Variants in PCCA observed in about 807,000 individuals in gnomAD.
PCCA encodes the protein propionyl-CoA carboxylase alpha chain, mitochondrial.
A neutral mutation model predicts 101.3 loss-of-function variants in PCCA; 74 were observed. That is an observed-to-expected ratio of 0.73 (90% confidence interval 0.61 to 0.89). PCCA has a LOEUF of 0.89. Ranked by LOEUF, PCCA falls within the 40% of genes least tolerant of loss-of-function variation. PCCA has a pLI of 0.00. For synonymous variants in PCCA, 294 were observed against 313.6 expected, an observed-to-expected ratio of 0.94 and a Z score of 0.66; for missense variants, 891 against 907.0, an observed-to-expected ratio of 0.98 and a Z score of 0.23.
At chr13:100,182,738 A>G (rs542915233) in intron 6 of PCCA, among the ~76,000 whole-genome samples, 8 of 152,128 alleles carry the variant, frequency 5.3e-5, no homozygotes, top group African/African-American at 1.9e-4. Flanking sequence ...CTAAGCCTAC[A>G]TGATATAGAC....
At chr13:100,337,780 T>C (rs1412059467) in intron 17 of PCCA, among the ~76,000 whole-genome samples, 1 of 152,182 alleles carries the variant, frequency 6.6e-6, no homozygotes, top group African/African-American at 2.4e-5. Flanking sequence ...CATTGCCTCC[T>C]CCCTTGCTGA....
chr13:100,440,151 TTAAATTATATATATATATATA>T (rs2080235314), intron 20 of PCCA, among the ~76,000 whole-genome samples: 2 of 124,642 alleles, frequency 1.6e-5, no homozygotes, highest in South Asian at 2.7e-4. Context: ...GACTAGAGTA[TTAAATTATATATATATATATA>T]TATATATATA....
chr13:100,403,350 C>A (rs986328555), intron 19 of PCCA, among the ~76,000 whole-genome samples: 2 of 152,150 alleles, frequency 1.3e-5, no homozygotes, highest in South Asian at 4.1e-4. Context: ...TAAAGACATA[C>A]CTGAGACTGA....
chr13:100,242,423 G>A lies in PCCA; in HGVS notation c.637+6545G>A, dbSNP rs570924747. Among the ~76,000 whole-genome samples the A allele has an allele frequency of 6.6e-4, 101 of 152,286 alleles. 1 individual carries two copies. In the Middle Eastern group the frequency reaches 0.01, roughly 15 times the overall value. On this transcript the variant is annotated intron_variant, in intron 8 of 23. Transcript: ENST00000376285. ...ATTGACGGAATTGAAGGGAGAAACAGACTAATTCTACAATAGTAGTTGGAG... is the reference window on the plus strand; with the variant it reads ...ATTGACGGAATTGAAGGGAGAAACAAACTAATTCTACAATAGTAGTTGGAG...
At chr13:100,183,739 C>T (rs2057004058) in intron 6 of PCCA, among the ~76,000 whole-genome samples, 1 of 152,070 alleles carries the variant, frequency 6.6e-6, no homozygotes, top group Admixed American at 6.6e-5. Flanking sequence ...TGTGACAGAC[C>T]TTTGAGTGTA....
intron 15 of PCCA, among the ~76,000 whole-genome samples, chr13:100,308,353 C>G (rs780247000): frequency 2.0e-5 from 3 of 151,992 alleles, no homozygotes; most frequent in Non-Finnish European, 4.4e-5. Flanking sequence ...GGGATAGGGT[C>G]TCCCTTTTTC....
chr13:100,247,578 A>G (rs1375473820), intron 8 of PCCA, among the ~76,000 whole-genome samples: 1 of 146,494 alleles, frequency 6.8e-6, no homozygotes, highest in African/African-American at 2.6e-5. Flanking sequence ...CATTGGCACA[A>G]TCTGGGCTCA....
At chr13:100,308,821 A>G (rs2066674055) in intron 15 of PCCA, among the ~76,000 whole-genome samples, 1 of 152,214 alleles carries the variant, frequency 6.6e-6, no homozygotes, top group Non-Finnish European at 1.5e-5. Context: ...AGAGCTAGTA[A>G]AACCTACTAA....
At chr13:100,181,279 G>C (rs2056759966) in intron 6 of PCCA, among the ~76,000 whole-genome samples, 1 of 152,148 alleles carries the variant, frequency 6.6e-6, no homozygotes, top group Non-Finnish European at 1.5e-5. Flanking sequence ...ACAGCATTTT[G>C]TTCTTTATCA....
chr13:100,387,909 A>G (rs2076601457), intron 19 of PCCA, among the ~76,000 whole-genome samples: 1 of 152,166 alleles, frequency 6.6e-6, no homozygotes, highest in African/African-American at 2.4e-5. Flanking sequence ...AAAATATATA[A>G]AATTCAGTTA....
chr13:100,417,859 G>A (rs1249688654), intron 19 of PCCA, among the ~76,000 whole-genome samples: 1 of 152,080 alleles, frequency 6.6e-6, no homozygotes, highest in Non-Finnish European at 1.5e-5. Context: ...AAGACAGGAG[G>A]TGGGATTACT....
chr13:100,502,681 AT>A (rs1473549918), intron 21 of PCCA, among the ~76,000 whole-genome samples: 2 of 152,210 alleles, frequency 1.3e-5, no homozygotes, highest in African/African-American at 2.4e-5. Flanking sequence ...AGTGGTTACA[AT>A]TTACAAAGTT....
chr13:100,169,702 ATTT>A (rs10659778), intron 6 of PCCA, among the ~76,000 whole-genome samples: 1 of 135,334 alleles, frequency 7.4e-6, no homozygotes, highest in Non-Finnish European at 1.6e-5. Context: ...TAATTTCTGT[ATTT>A]TTTTTTTTTT....
chr13:100,287,521 A>AT (rs1449453612), intron 12 of PCCA, among the ~76,000 whole-genome samples: 1 of 151,998 alleles, frequency 6.6e-6, no homozygotes, highest in Non-Finnish European at 1.5e-5. Flanking sequence ...TTTTGTCATC[A>AT]TTTTCCTTCA....
intron 21 of PCCA, among the ~76,000 whole-genome samples, chr13:100,472,213 G>A (rs894960880): frequency 3.3e-5 from 5 of 152,080 alleles, no homozygotes; most frequent in African/African-American, 7.2e-5. Context: ...CCCTTACTGC[G>A]CATGTGTTAA....
At chr13:100,443,058 T>G (rs1216468429) in intron 20 of PCCA, among the ~76,000 whole-genome samples, 2 of 152,046 alleles carry the variant, frequency 1.3e-5, no homozygotes, top group Non-Finnish European at 2.9e-5. Flanking sequence ...GAGAGTGATG[T>G]GATGTGATTT....
intron 6 of PCCA, among the ~76,000 whole-genome samples, chr13:100,172,603 G>T (rs1317677080): frequency 6.6e-6 from 1 of 152,182 alleles, no homozygotes; most frequent in Non-Finnish European, 1.5e-5. Context: ...GTTTTAAATG[G>T]AGTAGTAGAG....
chr13:100,169,009 C>T (rs2055340488), intron 6 of PCCA, among the ~76,000 whole-genome samples: 1 of 152,126 alleles, frequency 6.6e-6, no homozygotes, highest in Non-Finnish European at 1.5e-5. Context: ...TACAGACTGA[C>T]ATTCTATTGA....
intron 22 of PCCA, among the ~76,000 whole-genome samples, chr13:100,521,686 G>GT (rs1290086181): frequency 6.6e-6 from 1 of 152,054 alleles, no homozygotes; most frequent in Non-Finnish European, 1.5e-5. Context: ...GCCTTTTTTT[G>GT]TGACTGTTAA....
Sources: gnomAD v4.1 joint callset for allele counts (sites outside exome capture counted in the v4.1 genomes callset) on GRCh38, gnomAD v4.1.1 for gene constraint, MANE v1.5 for transcripts, NCBI Gene and HGNC (gene_info 2026-07-23, HGNC 2026-07-21) for gene names.